Variants in ABCC10 observed in about 807,000 individuals in gnomAD.
The protein encoded by ABCC10 is ATP-binding cassette sub-family C member 10.
ABCC10 carries 110 observed loss-of-function variants against 143.2 expected under a neutral mutation model. The ratio of observed to expected loss-of-function variants is 0.77; its 90% CI spans 0.66 to 0.90. The LOEUF (loss-of-function observed/expected upper bound fraction) is 0.90, where lower values mean the gene tolerates loss of function less well. ABCC10 is among the 40% of genes least tolerant of loss of function. The probability of loss-of-function intolerance (pLI) is 0.00; values close to 1 mark genes in which losing one functional copy is unlikely to be tolerated. For synonymous variants in ABCC10, 805 were observed against 846.7 expected (o/e 0.95, Z 0.85); for missense variants, 1,700 against 1,900.5 (o/e 0.89, Z 1.96).
chr6:43,437,300 A>G (rs1158711424), intron 6 of ABCC10, among the ~76,000 whole-genome samples: 1 of 151,844 alleles, frequency 6.6e-6, no homozygotes, highest in Admixed American at 6.6e-5. Context: ...AGCTGGGTCA[A>G]CCCTGGCTGG....
chr6:43,432,308 G>A lies in ABCC10; in HGVS notation c.328G>A (p.Val110Met), dbSNP rs769544990. The A allele has an allele frequency of 1.2e-6, 2 of 1,614,156 alleles. No homozygotes were observed. Among genetic ancestry groups the A allele is most frequent in the Non-Finnish European group, 1.7e-6 (2 of 1,180,030 alleles). The change falls in exon 3 of 22, where the codon GTG becomes ATG. Residue 110 changes from valine (V) to methionine (M), a missense_variant. Coordinates refer to ENST00000372530, the MANE Select transcript of ABCC10 (RefSeq NM_001198934.2). ...GGTGTTGGCAGGGTGCGTGGCAGCT[G>A]TGGCCTGGATCAGCCACAGCCTGGC... ...LEVLAGCVAA[V>M]AWISHSLALW...
chr6:43,433,633 G>A (rs144867604), intron 3 of ABCC10, among the ~76,000 whole-genome samples: 1 of 152,226 alleles, frequency 6.6e-6, no homozygotes, highest in Non-Finnish European at 1.5e-5. Flanking sequence ...GATCTCATGA[G>A]ATAATGCTTA....
Position 43,449,976 on chromosome 6 carries a change from G to A in ABCC10, c.4364G>A (p.Gly1455Glu), listed in dbSNP as rs1165394199. ...GACCGGGTGCTGGTGCTACAAGCGGGGAGAGTGGTAGAGCTGGACTCCCCG... is the reference window on the plus strand; with the variant it reads ...GACCGGGTGCTGGTGCTACAAGCGGAGAGAGTGGTAGAGCTGGACTCCCCG... ...NSDRVLVLQA[G>E]RVVELDSPAT... Residue 1455 changes from glycine (G) to glutamate (E), a missense_variant, in exon 22 of 22, where the codon GGG becomes GAG. Gly to Glu is a moderately conservative substitution (Grantham distance 98). Transcript: ENST00000372530. The A allele has an allele frequency of 6.2e-7, 1 of 1,614,026 alleles. No homozygotes were observed. The highest frequency in any genetic ancestry group is 1.1e-5 in the South Asian group (1 of 91,074).
At chr6:43,449,806 AG>A in intron 21 of ABCC10, 122 bp from the exon 22 acceptor site, 6 of 1,215,340 alleles carry the variant, frequency 4.9e-6, no homozygotes, top group Non-Finnish European at 7.0e-6. Flanking sequence ...GCACCAAGCC[AG>A]GGGCTAAAGC....
intron 20 of ABCC10, 34 bp downstream of exon 20, chr6:43,449,238 A>T: frequency 3.8e-6 from 6 of 1,591,218 alleles, no homozygotes; most frequent in Non-Finnish European, 4.3e-6. Flanking sequence ...AGAGAGGGCC[A>T]GGAAGAAGGC....
At chr6:43,450,756 A>G, downstream of ABCC10, 2 of 1,614,154 alleles carry the variant, frequency 1.2e-6, no homozygotes, top group Non-Finnish European at 1.7e-6. This position sits in a 1 kb window ranked among gnomAD's most constrained non-coding sequence, Gnocchi z 4.5. Flanking sequence ...GGCCCCAAAC[A>G]CCACCAGGGC....
At chr6:43,437,878 T>C in intron 6 of ABCC10, 56 bp from the exon 7 acceptor site, 1 of 1,556,760 alleles carries the variant, frequency 6.4e-7, no homozygotes, top group Non-Finnish European at 8.8e-7. Context: ...GGGAGACCAC[T>C]GCCACCTCTG....
chr6:43,438,179 A>G (rs1208940699), intron 7 of ABCC10, 166 bp downstream of exon 7: 3 of 947,362 alleles, frequency 3.2e-6, no homozygotes, highest in Middle Eastern at 2.9e-4. Flanking sequence ...TGGCCAAGAA[A>G]GCGAATCATT....
chr6:43,441,959 A>AAG lies in ABCC10; in HGVS notation c.2225_2226insAG (p.Glu743GlyfsTer32). 6.2e-7 allele frequency: 1 copy of AAG among 1,613,494 alleles called. No homozygotes were observed. Among genetic ancestry groups the AAG allele is most frequent in the Admixed American group, 1.7e-5 (1 of 59,982 alleles). ...ATTGCCCTTGCTCGTGCTGTCTACCAGGTCAGTTAAAGATGGAGGTTGCAG... is the reference window on the plus strand; with the variant it reads ...ATTGCCCTTGCTCGTGCTGTCTACCAAGGGTCAGTTAAAGATGGAGGTTGCAG... On this transcript the variant is annotated frameshift_variant and splice_region_variant, in exon 9 of 22. Coordinates refer to ENST00000372530, the MANE Select transcript of ABCC10 (RefSeq NM_001198934.2). LOFTEE classifies it high-confidence loss of function.
At position 43,448,976 on chromosome 6, in the gene ABCC10, T is replaced by C; in HGVS notation, c.4055T>C (p.Leu1352Ser). 1 of 1,614,198 alleles carries C rather than the reference T, an allele frequency of 6.2e-7. No homozygotes were observed. The highest frequency in any genetic ancestry group is 8.5e-7 in the Non-Finnish European group (1 of 1,180,014). The change falls in exon 19 of 22, where the codon TTG becomes TCG. Residue 1352 changes from leucine (L) to serine (S), a missense_variant. Leu to Ser is a moderately radical substitution (Grantham distance 145, BLOSUM62 -2). Transcript: ENST00000372530. ...DPQGLHKDRALWQALKQCHLS... is the reference protein window; with the variant it reads ...DPQGLHKDRASWQALKQCHLS... ...CAGGGCCTACATAAGGACAGGGCCTTGTGGCAGGCCCTGAAGCAGTGCCAC... is the reference window on the plus strand; with the variant it reads ...CAGGGCCTACATAAGGACAGGGCCTCGTGGCAGGCCCTGAAGCAGTGCCAC...
chr6:43,441,021 T>C (rs550983151), intron 8 of ABCC10, among the ~76,000 whole-genome samples: 1 of 152,080 alleles, frequency 6.6e-6, no homozygotes, highest in African/African-American at 2.4e-5. Flanking sequence ...GAGAATTGCA[T>C]GAACCCGAGA....
At chr6:43,438,074 C>G in intron 7 of ABCC10, 61 bp downstream of exon 7, 1 of 1,539,032 alleles carries the variant, frequency 6.5e-7, no homozygotes, top group Non-Finnish European at 8.9e-7. Flanking sequence ...CTGAGCCCCT[C>G]TTATGTGTTG....
intron 8 of ABCC10, among the ~76,000 whole-genome samples, chr6:43,439,243 C>G (rs1243802815): frequency 6.6e-6 from 1 of 152,140 alleles, no homozygotes; most frequent in Non-Finnish European, 1.5e-5. Context: ...AGATTTCTCC[C>G]TTGACTTCCC....
chr6:43,440,291 A>G (rs960766083), intron 8 of ABCC10, among the ~76,000 whole-genome samples: 1 of 152,058 alleles, frequency 6.6e-6, no homozygotes, highest in Non-Finnish European at 1.5e-5. Flanking sequence ...GGAATGTACT[A>G]CCTCTAAGGC....
At chr6:43,429,251 G>A (rs1780834963) in intron 2 of ABCC10, among the ~76,000 whole-genome samples, 1 of 152,144 alleles carries the variant, frequency 6.6e-6, no homozygotes, top group Non-Finnish European at 1.5e-5. Flanking sequence ...GCTGGTTGAT[G>A]GCCAACTTGG....
Position 43,438,616 on chromosome 6 carries a change from C to T in ABCC10, c.1956-8C>T, listed in dbSNP as rs767382908. 7.4e-6 allele frequency: 12 copies of T among 1,613,180 alleles called. No homozygotes were observed. Among genetic ancestry groups the T allele is most frequent in the Middle Eastern group, 1.6e-4 (1 of 6,078 alleles). On this transcript the variant is annotated splice_region_variant and splice_polypyrimidine_tract_variant and intron_variant, in intron 7 of 21. Transcript: ENST00000372530. ...TGGTCCTCATATTGCTCGCCTGGCT[C>T]TCTGCAGGCTGCGTGGGCATGTGGC...
Position 43,445,716 on chromosome 6 carries a change from G to A in ABCC10, c.3148G>A (p.Ala1050Thr), listed in dbSNP as rs200921502. The A allele has an allele frequency of 2.0e-5, 32 of 1,614,194 alleles. 1 individual carries two copies. In the South Asian group the frequency reaches 2.7e-4, roughly 14 times the overall value. The stretch of plus-strand genomic sequence containing the variant: ...CATCCTCAACATCCTCCTGGCCAAC[G>A]CGGCAGGCCTGCTGGGGCTCCTGGC... Reference protein sequence around the residue: ...PFILNILLANAAGLLGLLAVL... With the variant: ...PFILNILLANTAGLLGLLAVL... Residue 1050 changes from alanine to threonine, a missense_variant, in exon 15 of 22, where the codon GCG (alanine) becomes ACG (threonine). By Grantham distance (58) the Ala-to-Thr change is moderately conservative. Coordinates refer to ENST00000372530, the MANE Select transcript of ABCC10 (RefSeq NM_001198934.2).
At position 43,445,962 on chromosome 6, in the gene ABCC10, G is replaced by A. The variant is rs764089451; in HGVS notation, c.3374+20G>A. On this transcript the variant is annotated intron_variant, in intron 15 of 21. Coordinates refer to ENST00000372530, the MANE Select transcript of ABCC10 (RefSeq NM_001198934.2). ...CTACAGGTGTGTGAACCAGAGCCCA[G>A]GGGGATGAGGTGTTGGGGGGAGAGG... The A allele has an allele frequency of 5.0e-6, 8 of 1,599,426 alleles. No homozygotes were observed. Among genetic ancestry groups the A allele is most frequent in the Non-Finnish European group, 6.8e-6 (8 of 1,170,204 alleles).
chr6:43,441,747 T>A, intron 8 of ABCC10, 115 bp from the exon 9 acceptor site: 1 of 759,192 alleles, frequency 1.3e-6, no homozygotes, highest in Non-Finnish European at 2.1e-6. Flanking sequence ...AATTTAAGTC[T>A]ACTCTCCTCA....
Sources: allele counts gnomAD v4.1 joint callset (sites outside exome capture counted in the v4.1 genomes callset), GRCh38; gene constraint gnomAD v4.1.1; non-coding constraint Gnocchi (gnomAD v3.1); transcripts MANE v1.5; gene names NCBI Gene and HGNC (gene_info 2026-07-23, HGNC 2026-07-21).